Variants in TACR3 observed in about 807,000 individuals in gnomAD.
The protein encoded by TACR3 is tachykinin receptor 3, also known as neuromedin-K receptor.
Under a neutral mutation model 35.0 loss-of-function variants are expected in TACR3, and 34 were observed. The ratio of observed to expected loss-of-function variants is 0.97; its 90% confidence interval spans 0.74 to 1.30. The LOEUF is 1.30. Among genes scored for constraint, TACR3 ranks in the 50% most tolerant of loss-of-function variants. The pLI, the probability that TACR3 is intolerant of heterozygous loss-of-function variation, is 0.00. For synonymous variants in TACR3, 233 were observed against 221.1 expected (o/e 1.05, Z -0.48); for missense variants, 558 against 591.7 (o/e 0.94, Z 0.59).
chr4:103,692,677 A>G (rs3796953), intron 1 of TACR3, among the ~76,000 whole-genome samples: 19 of 152,184 alleles, frequency 1.2e-4, no homozygotes, highest in East Asian at 5.8e-4. Context: ...TTCCTTAAAC[A>G]TTAACAAATC....
Position 103,613,621 on chromosome 4 carries a change from A to G in TACR3, c.889-21938T>C, listed in dbSNP as rs117194508. Among the ~76,000 whole-genome samples, 202 of 152,218 alleles carry G rather than the reference A, an allele frequency of 1.3e-3. 3 individuals are homozygous for G. In the East Asian group the frequency reaches 0.035, roughly 27 times the overall value. On this transcript the variant is annotated intron_variant, in intron 3 of 4. Transcript: ENST00000304883. ...GGATTATAGGCATGAGCCACCGTGC[A>G]AGACTAATATTGTATTTTAATAGCT...
chr4:103,645,782 G>A (rs1041308061), intron 3 of TACR3, among the ~76,000 whole-genome samples: 3 of 151,884 alleles, frequency 2.0e-5, no homozygotes, highest in African/African-American at 7.3e-5. Context: ...CTAGGCTCTA[G>A]AACCACAATT....
chr4:103,676,726 T>A (rs974559313), intron 1 of TACR3, among the ~76,000 whole-genome samples: 21 of 152,084 alleles, frequency 1.4e-4, no homozygotes, highest in Non-Finnish European at 1.0e-4. Flanking sequence ...TCAAGATGGA[T>A]TAAAGACTTA....
intron 1 of TACR3, among the ~76,000 whole-genome samples, chr4:103,662,427 T>G (rs1262978338): frequency 1.3e-5 from 2 of 151,962 alleles, no homozygotes; most frequent in African/African-American, 4.8e-5. Flanking sequence ...CCCATATTGG[T>G]TAGGCTGGTC....
chr4:103,589,467 T>A lies in TACR3; in HGVS notation c.*215A>T. ...ATAATAATTTAGAGTTTTCAAAGAATAAATTTAAAGCCCATTTTATTTTGG... is the reference window on the plus strand; with the variant it reads ...ATAATAATTTAGAGTTTTCAAAGAAAAAATTTAAAGCCCATTTTATTTTGG... On this transcript the variant is annotated 3_prime_UTR_variant, in exon 5 of 5. Transcript: ENST00000304883. 1 of 549,562 alleles carries A rather than the reference T, an allele frequency of 1.8e-6. No homozygotes were observed. Among genetic ancestry groups the A allele is most frequent in the Non-Finnish European group, 3.2e-6 (1 of 312,044 alleles). 34.0% of individuals were successfully genotyped at this position (549,562 alleles called of 1,614,324 possible). A position where few individuals can be genotyped will look rare whatever the true frequency, so the allele number is the denominator to read the frequency against.
rs1560795474 is a variant in TACR3, at chr4:103,586,924, A to G, written c.*2758T>C. On this transcript the variant is annotated 3_prime_UTR_variant, in exon 5 of 5. Coordinates refer to ENST00000304883, the MANE Select transcript of TACR3 (RefSeq NM_001059.3). ...TAAAAGAGAATACTTACAATGATGT[A>G]AGCCTTTTTGATTCTTTCATATTTG... is the stretch of plus-strand genomic sequence containing the variant. The G allele has an allele frequency of 6.6e-6, 1 of 152,056 alleles. No individual in the cohort carries two copies. The highest frequency in any genetic ancestry group is 1.5e-5 in the Non-Finnish European group (1 of 68,006). The allele number at this position is 152,056 out of a possible 1,614,324, so 9.4% of individuals were successfully genotyped here. A position where few individuals can be genotyped will look rare whatever the true frequency, so the allele number is the denominator to read the frequency against.
intron 2 of TACR3, 140 bp downstream of exon 2, chr4:103,658,075 G>A (rs1725767944): frequency 1.2e-6 from 1 of 835,912 alleles, no homozygotes; most frequent in South Asian, 1.6e-5. Context: ...CCATATTACA[G>A]TATTTTTATA....
At chr4:103,675,658 A>T (rs1218721724) in intron 1 of TACR3, among the ~76,000 whole-genome samples, 1 of 152,152 alleles carries the variant, frequency 6.6e-6, no homozygotes, top group African/African-American at 2.4e-5. Flanking sequence ...AACATCCAAT[A>T]AGAGATATGC....
chr4:103,641,382 C>T (rs552994974), intron 3 of TACR3, among the ~76,000 whole-genome samples: 96 of 151,968 alleles, frequency 6.3e-4, no homozygotes, highest in African/African-American at 2.0e-3. Context: ...AAATGTTCAA[C>T]AGTACTAATC....
intron 1 of TACR3, among the ~76,000 whole-genome samples, chr4:103,717,777 G>T (rs1560544178): frequency 2.6e-5 from 4 of 151,630 alleles, no homozygotes; most frequent in Admixed American, 2.6e-4. Context: ...GGTGTAGTAA[G>T]ATTAGAGGCA....
intron 3 of TACR3, among the ~76,000 whole-genome samples, chr4:103,598,231 T>C (rs1724090016): frequency 6.6e-6 from 1 of 152,340 alleles, no homozygotes; most frequent in Non-Finnish European, 1.5e-5. Flanking sequence ...TCATGTGTTT[T>C]TCGGCTGCAT....
intron 1 of TACR3, among the ~76,000 whole-genome samples, chr4:103,693,116 G>A (rs577584650): frequency 6.6e-6 from 1 of 152,034 alleles, no homozygotes; most frequent in Non-Finnish European, 1.5e-5. Flanking sequence ...ATTTTATTTT[G>A]CATATGCAAA....
chr4:103,671,411 C>A (rs1726054946), intron 1 of TACR3, among the ~76,000 whole-genome samples: 1 of 151,878 alleles, frequency 6.6e-6, no homozygotes, highest in Admixed American at 6.6e-5. Context: ...TTGAAACCAT[C>A]AAGTCCTGGG....
intron 3 of TACR3, among the ~76,000 whole-genome samples, chr4:103,613,169 A>C (rs1391519119): frequency 1.6e-4 from 25 of 152,168 alleles, no homozygotes; most frequent in Admixed American, 1.6e-3. Flanking sequence ...TTGTATAGGC[A>C]AAGTGCTTAC....
At chr4:103,660,402 T>C (rs1725816274) in intron 1 of TACR3, among the ~76,000 whole-genome samples, 1 of 152,032 alleles carries the variant, frequency 6.6e-6, no homozygotes, top group African/African-American at 2.4e-5. Flanking sequence ...TCAATGTATA[T>C]AAAGTTTTAA....
At position 103,629,878 on chromosome 4, in the gene TACR3, A is replaced by AAAAC. The variant is rs1553969648; in HGVS notation, c.888+26315_888+26316insGTTT. Among the ~76,000 whole-genome samples, 1,098 of 141,776 alleles carry AAAAC rather than the reference A, an allele frequency of 7.7e-3. 16 individuals are homozygous for AAAAC. Among genetic ancestry groups the AAAAC allele is most frequent in the African/African-American group, 0.023 (847 of 36,804 alleles). The allele number at this position is 141,776 out of a possible 152,430, so 93.0% of individuals were successfully genotyped here. The stretch of plus-strand genomic sequence containing the variant: ...AAAAAAAACAAAAAAAAAACAAAAA[A>AAAAC]AACAACAACAACAACAAAAAAAAAC... On this transcript the variant is annotated intron_variant, in intron 3 of 4. Coordinates refer to ENST00000304883, the MANE Select transcript of TACR3 (RefSeq NM_001059.3).
At chr4:103,686,701 C>T (rs886383004) in intron 1 of TACR3, among the ~76,000 whole-genome samples, 2 of 151,992 alleles carry the variant, frequency 1.3e-5, no homozygotes, top group Admixed American at 1.3e-4. Context: ...TTGAGAGGTC[C>T]TAGAAGTTGG....
At chr4:103,635,001 T>C (rs77293783) in intron 3 of TACR3, among the ~76,000 whole-genome samples, 1 of 152,030 alleles carries the variant, frequency 6.6e-6, no homozygotes, top group Non-Finnish European at 1.5e-5. Context: ...GGAATTTTTT[T>C]AATCAAAGAT....
In TACR3 at chr4:103,696,430, C is replaced by G. The variant is rs182034485; in HGVS notation, c.548+22698G>C. Among the ~76,000 whole-genome samples the G allele has an allele frequency of 5.0e-3, 764 of 152,008 alleles. 7 individuals are homozygous for G. The highest frequency in any genetic ancestry group is 0.017 in the African/African-American group (722 of 41,502). ...CAATGAGAAATAAAACATTTTATTT[C>G]TTTGTAAAAAAAAAGTATCACAAAT... On this transcript the variant is annotated intron_variant, in intron 1 of 4. Transcript: ENST00000304883.
Sources: gnomAD v4.1 joint callset for allele counts (sites outside exome capture counted in the v4.1 genomes callset) on GRCh38, gnomAD v4.1.1 for gene constraint, MANE v1.5 for transcripts, NCBI Gene and HGNC (gene_info 2026-07-23, HGNC 2026-07-21) for gene names.